SDK1: variants seen among roughly 807,000 people sequenced by gnomAD.
SDK1 encodes sidekick cell adhesion molecule 1.
SDK1 carries 157 observed loss-of-function variants against 245.5 expected under a neutral mutation model. That is an observed-to-expected ratio of 0.64 (90% confidence interval 0.56 to 0.73). The LOEUF (loss-of-function observed/expected upper bound fraction) is 0.73, where lower values mean the gene tolerates loss of function less well. Among genes scored for constraint, SDK1 ranks in the 30% least tolerant of loss-of-function variants. The pLI, the probability that SDK1 is intolerant of heterozygous loss-of-function variation, is 0.00. For synonymous variants in SDK1, 1,647 were observed against 1,278.5 expected (o/e 1.29, Z -6.15); for missense variants, 3,583 against 3,002.3 (o/e 1.19, Z -4.52).
chr7:3,609,426 A>T (rs1354062858), intron 1 of SDK1, among the ~76,000 whole-genome samples: 1 of 152,066 alleles, frequency 6.6e-6, no homozygotes, highest in East Asian at 1.9e-4. Context: ...TTTGAGACAG[A>T]GTCTCACTCT....
intron 1 of SDK1, among the ~76,000 whole-genome samples, chr7:3,576,662 G>A (rs573517157): frequency 2.0e-5 from 3 of 151,936 alleles, no homozygotes; most frequent in South Asian, 2.1e-4. Context: ...CAACGTTATC[G>A]ATACCCATGT....
chr7:3,967,194 C>T (rs1291709706), intron 9 of SDK1, 124 bp from the exon 10 acceptor site: 2 of 743,298 alleles, frequency 2.7e-6, no homozygotes, highest in African/African-American at 3.5e-5. Context: ...GAACAGTATT[C>T]CTTTTGTATT....
intron 1 of SDK1, among the ~76,000 whole-genome samples, chr7:3,399,629 A>C (rs1778828058): frequency 6.6e-6 from 1 of 152,134 alleles, no homozygotes. Flanking sequence ...TCTCTGGACT[A>C]ATCTCATAAA....
intron 42 of SDK1, among the ~76,000 whole-genome samples, chr7:4,240,178 C>T (rs1016536041): frequency 1.3e-5 from 2 of 152,104 alleles, no homozygotes; most frequent in Non-Finnish European, 2.9e-5. Flanking sequence ...GAAAAATCTC[C>T]CTGCTTTTCA....
chr7:3,728,291 G>A (rs183918505), intron 4 of SDK1, among the ~76,000 whole-genome samples: 67 of 152,316 alleles, frequency 4.4e-4, no homozygotes, highest in Non-Finnish European at 8.7e-4. Flanking sequence ...TGTCCTGCAA[G>A]TGCTGTCTCA....
intron 35 of SDK1, among the ~76,000 whole-genome samples, chr7:4,198,587 T>C (rs1292823076): frequency 1.3e-5 from 2 of 152,174 alleles, no homozygotes; most frequent in Admixed American, 1.3e-4. Context: ...GGAGGCTGCT[T>C]TTGCCATAGA....
At chr7:3,579,652 T>C (rs1055986036) in intron 1 of SDK1, among the ~76,000 whole-genome samples, 1 of 152,266 alleles carries the variant, frequency 6.6e-6, no homozygotes, top group South Asian at 2.1e-4. Context: ...CTATTCAAGA[T>C]AGTGTTGGAA....
At chr7:3,456,360 C>G (rs925518628) in intron 1 of SDK1, among the ~76,000 whole-genome samples, 1 of 152,130 alleles carries the variant, frequency 6.6e-6, no homozygotes, top group Non-Finnish European at 1.5e-5. Context: ...AATGTTGGAT[C>G]TTTTGCTTTT....
intron 1 of SDK1, among the ~76,000 whole-genome samples, chr7:3,567,081 G>A (rs1012888123): frequency 6.6e-6 from 1 of 152,134 alleles, no homozygotes; most frequent in Non-Finnish European, 1.5e-5. Context: ...TTAGATAATT[G>A]AATAAGGGAT....
chr7:3,413,330 G>A (rs1779265522), intron 1 of SDK1, among the ~76,000 whole-genome samples: 1 of 152,208 alleles, frequency 6.6e-6, no homozygotes, highest in Non-Finnish European at 1.5e-5. Context: ...GTCAGACCAA[G>A]TAGATCCTCA....
At chr7:4,203,599 A>C (rs1347122799) in intron 35 of SDK1, among the ~76,000 whole-genome samples, 1 of 152,032 alleles carries the variant, frequency 6.6e-6, no homozygotes, top group African/African-American at 2.4e-5. Context: ...AGGTGGGAAA[A>C]CAAAAAACGA....
At chr7:4,101,529 C>A (rs1303813778) in intron 22 of SDK1, among the ~76,000 whole-genome samples, 1 of 152,126 alleles carries the variant, frequency 6.6e-6, no homozygotes, top group Admixed American at 6.5e-5. Flanking sequence ...CAGGGTCCTA[C>A]CACTGAAATC....
At chr7:3,687,418 C>A (rs182184642) in intron 4 of SDK1, among the ~76,000 whole-genome samples, 6 of 152,192 alleles carry the variant, frequency 3.9e-5, no homozygotes, top group East Asian at 1.9e-4. Flanking sequence ...TGAGCCACCC[C>A]GCCCAGCCCC....
intron 4 of SDK1, among the ~76,000 whole-genome samples, chr7:3,672,794 T>TATA (rs1468918926): frequency 1.5e-4 from 10 of 65,576 alleles, no homozygotes; most frequent in Admixed American, 6.4e-4. Flanking sequence ...TATATATATA[T>TATA]AAAAAATACA....
chr7:3,907,447 T>A (rs745337277), intron 5 of SDK1, among the ~76,000 whole-genome samples: 1 of 152,230 alleles, frequency 6.6e-6, no homozygotes, highest in Non-Finnish European at 1.5e-5. Flanking sequence ...TGTCAAAAAC[T>A]CATTGCTTTT....
At chr7:3,510,279 G>T (rs1238711163) in intron 1 of SDK1, among the ~76,000 whole-genome samples, 2 of 152,192 alleles carry the variant, frequency 1.3e-5, no homozygotes, top group African/African-American at 2.4e-5. Context: ...ACATTTCCTA[G>T]GAAAGCAGTG....
chr7:4,114,333 C>T, intron 25 of SDK1, 59 bp downstream of exon 25: 1 of 1,341,578 alleles, frequency 7.5e-7, no homozygotes, highest in South Asian at 1.3e-5. Context: ...GCTGAGTGCC[C>T]CTGAGCCTCC....
intron 13 of SDK1, among the ~76,000 whole-genome samples, chr7:3,979,917 C>G (rs1230186018): frequency 6.6e-6 from 1 of 152,138 alleles, no homozygotes. Flanking sequence ...TCTCATGGGC[C>G]TGGAGTACAG....
intron 1 of SDK1, among the ~76,000 whole-genome samples, chr7:3,563,989 A>G (rs1779827888): frequency 6.6e-6 from 1 of 152,204 alleles, no homozygotes; most frequent in African/African-American, 2.4e-5. Flanking sequence ...TGATATATTT[A>G]GAACTGAAAG....
Sources: allele counts gnomAD v4.1 joint callset (sites outside exome capture counted in the v4.1 genomes callset), GRCh38; gene constraint gnomAD v4.1.1; transcripts MANE v1.5; gene names NCBI Gene and HGNC (gene_info 2026-07-23, HGNC 2026-07-21).